Variants in ENKUR observed in about 807,000 individuals in gnomAD.
The protein encoded by ENKUR is enkurin.
In ENKUR, 19 loss-of-function variants were observed where a neutral mutation model predicts 27.6. The observed-to-expected ratio is 0.69, with a 90% CI of 0.48 to 1.01. The LOEUF (loss-of-function observed/expected upper bound fraction) is 1.01, where lower values mean the gene tolerates loss of function less well. Ranked by LOEUF, ENKUR falls within the 50% of genes least tolerant of loss-of-function variation. ENKUR has a pLI of 0.00. For missense variants in ENKUR, 312 were observed against 310.5 expected, an observed-to-expected ratio of 1.00 and a Z score of -0.04; for synonymous variants, 117 against 96.9, an observed-to-expected ratio of 1.21 and a Z score of -1.22.
chr10:25,024,438 A>AT (rs1385259232), intron 2 of ENKUR: 1 of 1,614,070 alleles, frequency 6.2e-7, no homozygotes, highest in Non-Finnish European at 8.5e-7. Context: ...CTGTGGTTGC[A>AT]TTTTTTCCTG....
At chr10:25,033,399 G>A (rs1383386980) in intron 2 of ENKUR, among the ~76,000 whole-genome samples, 3 of 49,544 alleles carry the variant, frequency 6.1e-5, no homozygotes, top group Admixed American at 3.2e-4. Flanking sequence ...GGAAGACCTC[G>A]TCAAAAAAAA....
chr10:25,000,025 C>G (rs1266602838), intron 1 of ENKUR, among the ~76,000 whole-genome samples: 1 of 151,834 alleles, frequency 6.6e-6, no homozygotes, highest in African/African-American at 2.4e-5. Flanking sequence ...TCTTTTTTTA[C>G]TTTCTTAAGA....
chr10:24,989,129 T>G (rs1421431959), intron 4 of ENKUR, among the ~76,000 whole-genome samples: 1 of 152,148 alleles, frequency 6.6e-6, no homozygotes, highest in East Asian at 1.9e-4. Flanking sequence ...ATCATTTAGG[T>G]GTAAAAACCT....
chr10:25,009,235 C>T lies in ENKUR; in HGVS notation c.77+6625G>A, dbSNP rs527467520. On this transcript the variant is annotated intron_variant, in intron 1 of 5. Coordinates refer to ENST00000331161, the MANE Select transcript of ENKUR (RefSeq NM_145010.4). ...CAAACCTGCACATTGTGCATATGTA[C>T]CCTAAACCTTAGAGTATAATAAAAA... 1.9e-3 allele frequency among the ~76,000 whole-genome samples: 291 copies of T among 151,600 alleles called. 3 individuals carry two copies. Among genetic ancestry groups the T allele is most frequent in the African/African-American group, 6.7e-3 (276 of 40,992 alleles).
chr10:25,057,687 A>G (rs1213364641), intron 2 of ENKUR, among the ~76,000 whole-genome samples: 1 of 152,132 alleles, frequency 6.6e-6, no homozygotes, highest in Admixed American at 6.6e-5. Context: ...ACAATCAAGC[A>G]CATACAGAAA....
At chr10:24,998,462 A>G (rs1850115934) in intron 2 of ENKUR, among the ~76,000 whole-genome samples, 1 of 150,526 alleles carries the variant, frequency 6.6e-6, no homozygotes, top group African/African-American at 2.5e-5. Flanking sequence ...GCAGTTTCGA[A>G]CTCTTGGGCT....
chr10:24,990,442 T>C (rs1401805384), intron 4 of ENKUR, 21 bp downstream of exon 4: 1 of 1,597,040 alleles, frequency 6.3e-7, no homozygotes, highest in Non-Finnish European at 8.5e-7. Context: ...TACAGATGAA[T>C]GTAAATGGCA....
intron 2 of ENKUR, chr10:25,024,583 A>C: frequency 6.2e-7 from 1 of 1,614,120 alleles, no homozygotes. Context: ...TTCTGATTTT[A>C]CTGGCTTTCT....
At chr10:25,054,518 CTTT>C (rs1564358732) in intron 2 of ENKUR, among the ~76,000 whole-genome samples, 381 of 107,052 alleles carry the variant, frequency 3.6e-3, no homozygotes, top group African/African-American at 0.011. Flanking sequence ...TCTTTCCTTT[CTTT>C]CTTTCTTTCC....
At chr10:24,984,995 T>C in intron 4 of ENKUR, 90 bp from the exon 5 acceptor site, 1 of 1,000,998 alleles carries the variant, frequency 1.0e-6, no homozygotes, top group South Asian at 1.4e-5. Context: ...AAAATGTCAA[T>C]AAGTAAAAGA....
rs1849685379 is a variant in ENKUR, at chr10:24,982,331, T to C, written c.*2039A>G. On this transcript the variant is annotated 3_prime_UTR_variant, in exon 6 of 6. Coordinates refer to ENST00000331161, the MANE Select transcript of ENKUR (RefSeq NM_145010.4). ...CATGTGTGCAGATCTCAGAGGTCTC[T>C]AGTACCTCAGTACTATGGGAATGCC... 6.6e-6 allele frequency: 1 copy of C among 151,398 alleles called. No individual in the cohort carries two copies. The highest frequency in any genetic ancestry group is 2.1e-4 in the South Asian group (1 of 4,782). The allele number at this position is 151,398 out of a possible 1,614,324, so 9.4% of individuals were successfully genotyped here. A position where few individuals can be genotyped will look rare whatever the true frequency, so the allele number is the denominator to read the frequency against.
Position 24,984,382 on chromosome 10 carries a change from G to T in ENKUR, c.765-6C>A, listed in dbSNP as rs767888646. The T allele has an allele frequency of 7.2e-6, 10 of 1,398,482 alleles. No homozygotes were observed. The highest frequency in any genetic ancestry group is 1.6e-5 in the African/African-American group (1 of 61,660). The allele number at this position is 1,398,482 out of a possible 1,614,324, so 86.6% of individuals were successfully genotyped here. A position where few individuals can be genotyped will look rare whatever the true frequency, so the allele number is the denominator to read the frequency against. Reference sequence around the variant, plus strand: ...TGTGCTGTTGGTATCATGCGCTGCAGAAAAAAAAAAAAAAAAGTGAAGTTC... The same window carrying T: ...TGTGCTGTTGGTATCATGCGCTGCATAAAAAAAAAAAAAAAAGTGAAGTTC... On this transcript the variant is annotated splice_polypyrimidine_tract_variant and splice_region_variant and intron_variant, in intron 5 of 5. Coordinates refer to ENST00000331161, the MANE Select transcript of ENKUR (RefSeq NM_145010.4).
In ENKUR at chr10:24,995,704, G is replaced by C. The variant is rs916966053; in HGVS notation, c.389C>G (p.Thr130Ser). ...AGGCTCAAGATCATGCTTGTCTCCA[G>C]TTCTTTTATCAACATAAATTGGTTT... Reference protein sequence around the residue: ...KPKPIYVDKRTGDKHDLEPSG... With the variant: ...KPKPIYVDKRSGDKHDLEPSG... Residue 130 changes from threonine (T) to serine (S), a missense_variant, in exon 3 of 6, where the codon ACT (threonine) becomes AGT (serine). Coordinates refer to ENST00000331161, the MANE Select transcript of ENKUR (RefSeq NM_145010.4). 2.3e-5 allele frequency: 37 copies of C among 1,613,844 alleles called. No individual in the cohort carries two copies. Among genetic ancestry groups the C allele is most frequent in the Non-Finnish European group, 3.1e-5 (37 of 1,179,982 alleles).
intron 1 of ENKUR, among the ~76,000 whole-genome samples, chr10:25,009,764 A>C (rs1850397647): frequency 6.6e-6 from 1 of 152,050 alleles, no homozygotes; most frequent in African/African-American, 2.4e-5. Flanking sequence ...TGAATAAGTC[A>C]CATAAGATCT....
intron 2 of ENKUR, among the ~76,000 whole-genome samples, chr10:25,031,768 G>C (rs111358654): frequency 7.2e-6 from 1 of 138,918 alleles, no homozygotes; most frequent in Middle Eastern, 3.4e-3. Context: ...TTTTTAAATT[G>C]CTTTCTGTTC....
At chr10:25,013,079 ACTCT>A (rs1436235498) in intron 1 of ENKUR, among the ~76,000 whole-genome samples, 1 of 151,578 alleles carries the variant, frequency 6.6e-6, no homozygotes, top group Non-Finnish European at 1.5e-5. Flanking sequence ...CCCTGCACAC[ACTCT>A]CTTTCCTGCC....
rs1849703583 is a variant in ENKUR, at chr10:24,983,062, T to C, written c.*1308A>G. ...ACTTACCTAAACATCTCATCCTGAA[T>C]TGGCAGAGAAAGACTGCCTGGATCA... On this transcript the variant is annotated 3_prime_UTR_variant, in exon 6 of 6. Coordinates refer to ENST00000331161, the MANE Select transcript of ENKUR (RefSeq NM_145010.4). 1 of 152,204 alleles carries C rather than the reference T, an allele frequency of 6.6e-6. No homozygotes were observed. The highest frequency in any genetic ancestry group is 1.5e-5 in the Non-Finnish European group (1 of 68,036). The allele number at this position is 152,204 out of a possible 1,614,324, so 9.4% of individuals were successfully genotyped here.
At chr10:25,031,359 C>T (rs894974790) in intron 2 of ENKUR, among the ~76,000 whole-genome samples, 2 of 151,978 alleles carry the variant, frequency 1.3e-5, no homozygotes, top group Non-Finnish European at 2.9e-5. Flanking sequence ...ATACTTGGCG[C>T]GGATTACCTC....
At chr10:25,039,749 A>G (rs1056236704) in intron 2 of ENKUR, among the ~76,000 whole-genome samples, 2 of 152,074 alleles carry the variant, frequency 1.3e-5, no homozygotes, top group African/African-American at 4.8e-5. Flanking sequence ...CCATTTGTTG[A>G]TGACCCTGTG....
Sources: allele counts gnomAD v4.1 joint callset (sites outside exome capture counted in the v4.1 genomes callset), GRCh38; gene constraint gnomAD v4.1.1; transcripts MANE v1.5; gene names NCBI Gene and HGNC (gene_info 2026-07-23, HGNC 2026-07-21).